The following DSCAML1 variants were observed in gnomAD, a reference collection of about 807,000 sequenced individuals.
DSCAML1 encodes DS cell adhesion molecule like 1.
A neutral mutation model predicts 200.5 loss-of-function variants in DSCAML1; 38 were observed. That is an observed-to-expected ratio of 0.19 (90% confidence interval 0.15 to 0.25). The LOEUF (loss-of-function observed/expected upper bound fraction) is 0.25, where lower values mean the gene tolerates loss of function less well. DSCAML1 is among the 10% of genes least tolerant of loss of function. DSCAML1 has a pLI of 1.00. For missense variants in DSCAML1, 2,223 were observed against 2,858.8 expected (o/e 0.78, Z 5.07); for synonymous variants, 1,215 against 1,165.0 (o/e 1.04, Z -0.87).
chr11:117,518,632 G>A lies in DSCAML1; in HGVS notation c.1344C>T (p.Ile448=), dbSNP rs749437030. 11 of 1,613,412 alleles carry A rather than the reference G, an allele frequency of 6.8e-6. No individual in the cohort carries two copies. Among genetic ancestry groups the A allele is most frequent in the East Asian group, 6.7e-5 (3 of 44,884 alleles). Residue 448 remains isoleucine, a synonymous_variant, in exon 7 of 33, where the codon ATC becomes ATT. Transcript: ENST00000651296. The surrounding 1 kb of genome is among the most constrained non-coding windows in gnomAD (Gnocchi z 6.3). ...TGGTGCGGTGGCTGCCATCCCGCAC[G>A]ATGGGCTCATCGTCGAGGGCCCAGG... ...TVTWALDDEP[I]VRDGSHRTNQ...
At chr11:117,478,409 C>T (rs770368572) in intron 14 of DSCAML1, among the ~76,000 whole-genome samples, 14 of 152,068 alleles carry the variant, frequency 9.2e-5, no homozygotes, top group Non-Finnish European at 1.9e-4. Context: ...CCTCAGGGAG[C>T]CCTGAGATGT....
chr11:117,794,342 A>G (rs1013088289), intron 1 of DSCAML1, among the ~76,000 whole-genome samples: 15 of 152,166 alleles, frequency 9.9e-5, no homozygotes, highest in Non-Finnish European at 1.9e-4. Flanking sequence ...CTAAACCTGG[A>G]TTTGTTTTGG....
chr11:117,516,502 A>T lies in DSCAML1; in HGVS notation c.1748T>A (p.Leu583His). The T allele has an allele frequency of 6.2e-7, 1 of 1,613,828 alleles. No individual in the cohort carries two copies. The highest frequency in any genetic ancestry group is 8.5e-7 in the Non-Finnish European group (1 of 1,179,966). The change falls in exon 8 of 33, where the codon CTC becomes CAC. Residue 583 changes from leucine (L) to histidine (H), a missense_variant. By Grantham distance (99) the Leu-to-His change is moderately conservative. This residue lies in a region of DSCAML1 where 212 missense variants were observed against 368.0 expected (regional missense o/e 0.58). Coordinates refer to ENST00000651296, the MANE Select transcript of DSCAML1 (RefSeq NM_020693.4). This position sits in a 1 kb window ranked among gnomAD's most constrained non-coding sequence, Gnocchi z 5.7. ...TACGTGAACGCTCTGGCTGATGGAG[A>T]GCTGGGGCTGGATGAGGACACTGCA... Reference protein sequence around the residue: ...YLCSVLIQPQLSISQSVHVAV... With the variant: ...YLCSVLIQPQHSISQSVHVAV...
At chr11:117,685,227 T>C (rs1042837213) in intron 3 of DSCAML1, among the ~76,000 whole-genome samples, 2 of 152,206 alleles carry the variant, frequency 1.3e-5, no homozygotes, top group Non-Finnish European at 2.9e-5. Context: ...TCAAAGATCA[T>C]TTCATCAGGC....
chr11:117,505,135 G>T lies in DSCAML1; in HGVS notation c.2063-92C>A, dbSNP rs1264446907. The T allele has an allele frequency of 1.3e-6, 2 of 1,514,578 alleles. No homozygotes were observed. The highest frequency in any genetic ancestry group is 2.3e-5 in the East Asian group (1 of 43,926). 93.8% of individuals were successfully genotyped at this position (1,514,578 alleles called of 1,614,324 possible). A position where few individuals can be genotyped will look rare whatever the true frequency, so the allele number is the denominator to read the frequency against. On this transcript the variant is annotated intron_variant, in intron 9 of 32. Coordinates refer to ENST00000651296, the MANE Select transcript of DSCAML1 (RefSeq NM_020693.4). The surrounding 1 kb of genome is among the most constrained non-coding windows in gnomAD (Gnocchi z 6.7). The stretch of plus-strand genomic sequence containing the variant: ...GCACCTTCTGTTTGAGGTCAGCCCT[G>T]CCCGGGCCATTATAAAGTTGGAAGC...
chr11:117,809,940 CACAT>C (rs2055744274), intron 1 of DSCAML1, among the ~76,000 whole-genome samples: 1 of 142,258 alleles, frequency 7.0e-6, no homozygotes, highest in African/African-American at 2.8e-5. Context: ...CACGCATATT[CACAT>C]ACACACATTC....
intron 15 of DSCAML1, among the ~76,000 whole-genome samples, chr11:117,471,110 A>G (rs1272017981): frequency 6.6e-6 from 1 of 152,084 alleles, no homozygotes; most frequent in Non-Finnish European, 1.5e-5. Context: ...AGTGTTGGTT[A>G]TACTCATTGT....
At chr11:117,649,075 G>T (rs2052577585) in intron 3 of DSCAML1, among the ~76,000 whole-genome samples, 1 of 151,494 alleles carries the variant, frequency 6.6e-6, no homozygotes, top group Non-Finnish European at 1.5e-5. Flanking sequence ...GTGTGTGTGT[G>T]TGTGTGTGTG....
At chr11:117,654,092 G>A (rs930284047) in intron 3 of DSCAML1, among the ~76,000 whole-genome samples, 1 of 152,200 alleles carries the variant, frequency 6.6e-6, no homozygotes, top group African/African-American at 2.4e-5. Flanking sequence ...AGTCAGACGT[G>A]GAAGACCACA....
chr11:117,698,831 T>C (rs2053624620), intron 3 of DSCAML1, among the ~76,000 whole-genome samples: 1 of 152,150 alleles, frequency 6.6e-6, no homozygotes, highest in Admixed American at 6.5e-5. Context: ...CCACACATAT[T>C]CCCAGGAGAG....
chr11:117,656,386 A>G (rs1330794207), intron 3 of DSCAML1, among the ~76,000 whole-genome samples: 2 of 152,206 alleles, frequency 1.3e-5, no homozygotes, highest in African/African-American at 4.8e-5. Flanking sequence ...CAAAATAGAG[A>G]TAATAATACC....
At chr11:117,801,234 T>TTACC (rs1410112998), upstream of DSCAML1, 13 of 152,226 alleles carry the variant, frequency 8.5e-5, no homozygotes, top group East Asian at 2.5e-3. Flanking sequence ...GCCAGCTGTG[T>TTACC]TACCTGTGAC....
chr11:117,729,040 T>C (rs2054177822), intron 3 of DSCAML1, among the ~76,000 whole-genome samples: 1 of 152,196 alleles, frequency 6.6e-6, no homozygotes, highest in African/African-American at 2.4e-5. Flanking sequence ...GCTACGGTAA[T>C]CAAGATAGTG....
chr11:117,649,041 ATGTGTGTGTGTGTGTGTGTGTG>A (rs58257943), intron 3 of DSCAML1, among the ~76,000 whole-genome samples: 7 of 137,932 alleles, frequency 5.1e-5, no homozygotes, highest in African/African-American at 1.7e-4. Context: ...CTCCATATAT[ATGTGTGTGTGTGTGTGTGTGTG>A]TGTGTGTGTG....
chr11:117,815,365 G>A (rs2055796067), intron 1 of DSCAML1, among the ~76,000 whole-genome samples: 1 of 152,198 alleles, frequency 6.6e-6, no homozygotes, highest in South Asian at 2.1e-4. Context: ...AGGTCACACA[G>A]CAAGCCAAGG....
chr11:117,755,903 C>T (rs1414901672), intron 3 of DSCAML1, among the ~76,000 whole-genome samples: 2 of 152,126 alleles, frequency 1.3e-5, no homozygotes, highest in African/African-American at 4.8e-5. Flanking sequence ...GGAGTTCCTG[C>T]CATACCCACT....
At chr11:117,535,167 A>C in intron 3 of DSCAML1, among the ~76,000 whole-genome samples, 1 of 152,156 alleles carries the variant, frequency 6.6e-6, no homozygotes, top group African/African-American at 2.4e-5. Context: ...TCACCTTGTC[A>C]TGGGGATGGT....
intron 3 of DSCAML1, among the ~76,000 whole-genome samples, chr11:117,573,235 T>G (rs1376316565): frequency 6.6e-6 from 1 of 152,230 alleles, no homozygotes; most frequent in East Asian, 1.9e-4. Context: ...GGCCGTACGC[T>G]CTCTGCAAGC....
chr11:117,725,393 C>T (rs2054108267), intron 3 of DSCAML1, among the ~76,000 whole-genome samples: 1 of 152,266 alleles, frequency 6.6e-6, no homozygotes. Context: ...TTTCAGAAGG[C>T]TGGTGCAGGG....
Sources: allele counts gnomAD v4.1 joint callset (sites outside exome capture counted in the v4.1 genomes callset), GRCh38; gene constraint gnomAD v4.1.1; regional missense constraint gnomAD v4.1.1; non-coding constraint Gnocchi (gnomAD v3.1); transcripts MANE v1.5; gene names NCBI Gene and HGNC (gene_info 2026-07-23, HGNC 2026-07-21).